Variants in DCDC2B observed in about 807,000 individuals in gnomAD.
DCDC2B encodes the protein doublecortin domain-containing protein 2B.
DCDC2B carries 41 observed loss-of-function variants against 38.9 expected under a neutral mutation model. The ratio of observed to expected loss-of-function variants is 1.05; its 90% CI spans 0.82 to 1.37. DCDC2B has a LOEUF of 1.37. Ranked by LOEUF, DCDC2B falls within the 40% of genes most tolerant of loss-of-function variation. The probability of loss-of-function intolerance (pLI) is 0.00; values close to 1 mark genes in which losing one functional copy is unlikely to be tolerated. For missense variants in DCDC2B, 453 were observed against 427.2 expected, an observed-to-expected ratio of 1.06 and a Z score of -0.53; for synonymous variants, 181 against 171.9, an observed-to-expected ratio of 1.05 and a Z score of -0.41.
intron 1 of DCDC2B, among the ~76,000 whole-genome samples, chr1:32,210,013 C>T (rs567674248): frequency 4.0e-5 from 6 of 151,566 alleles, no homozygotes; most frequent in East Asian, 1.9e-4. Context: ...GCCAACATGG[C>T]GAAACTCTGT....
chr1:32,215,636 C>A, intron 8 of DCDC2B, 93 bp downstream of exon 8: 1 of 1,237,438 alleles, frequency 8.1e-7, no homozygotes, highest in East Asian at 2.4e-5. Flanking sequence ...GTTCTCCTCC[C>A]TTGTGATTGA....
intron 7 of DCDC2B, 181 bp downstream of exon 7, chr1:32,215,113 A>C (rs2124214880): frequency 6.3e-6 from 5 of 799,212 alleles, no homozygotes; most frequent in South Asian, 2.1e-5. Flanking sequence ...CTGCCCGTAA[A>C]AAAAAAAAAA....
Position 32,209,338 on chromosome 1 carries a change from T to G in DCDC2B, c.245T>G (p.Phe82Cys). The change falls in exon 1 of 9, where the codon TTT becomes TGT. Residue 82 changes from phenylalanine (F) to cysteine (C), a missense_variant. Phe to Cys is a radical substitution (Grantham distance 205, BLOSUM62 -2). Coordinates refer to ENST00000409358, the MANE Select transcript of DCDC2B (RefSeq NM_001099434.2). ...KNRGQYVAAGFERFHKLHYLP... is the reference protein window; with the variant it reads ...KNRGQYVAAGCERFHKLHYLP... ...AGAGGGCAGTATGTGGCCGCTGGAT[T>G]TGAACGATTCCACAAGCTCCAGTGA... 1 of 1,613,938 alleles carries G rather than the reference T, an allele frequency of 6.2e-7. No homozygotes were observed. Among genetic ancestry groups the G allele is most frequent in the Non-Finnish European group, 8.5e-7 (1 of 1,179,866 alleles).
intron 6 of DCDC2B, among the ~76,000 whole-genome samples, chr1:32,213,537 C>T: frequency 7.9e-6 from 1 of 127,368 alleles, no homozygotes; most frequent in Admixed American, 8.9e-5. Context: ...GAGATGGAGT[C>T]TCGCTCTGTT....
At chr1:32,209,775 C>A (rs936520988) in intron 1 of DCDC2B, among the ~76,000 whole-genome samples, 1 of 152,180 alleles carries the variant, frequency 6.6e-6, no homozygotes, top group Non-Finnish European at 1.5e-5. Flanking sequence ...TCCTCTGTTG[C>A]AGGAGGAGAC....
At chr1:32,212,324 T>C in intron 4 of DCDC2B, 123 bp downstream of exon 4, 1 of 1,539,014 alleles carries the variant, frequency 6.5e-7, no homozygotes. Context: ...CTTCCCCCTA[T>C]GCCACTGGGA....
chr1:32,209,986 T>G (rs1417139438), intron 1 of DCDC2B, among the ~76,000 whole-genome samples: 1 of 151,290 alleles, frequency 6.6e-6, no homozygotes, highest in Non-Finnish European at 1.5e-5. Flanking sequence ...TGAGGTCAGG[T>G]GTTCGAGACC....
chr1:32,213,252 G>C (rs1035259414), intron 6 of DCDC2B, among the ~76,000 whole-genome samples: 2 of 151,718 alleles, frequency 1.3e-5, no homozygotes, highest in African/African-American at 2.4e-5. Flanking sequence ...GGCTGGTCTT[G>C]AACTCCTGGG....
At chr1:32,211,659 GC>G in intron 2 of DCDC2B, 101 bp from the exon 3 acceptor site, 1 of 1,201,910 alleles carries the variant, frequency 8.3e-7, no homozygotes, top group Non-Finnish European at 1.2e-6. Flanking sequence ...CCCCCTTCCT[GC>G]CCCAGTCTGG....
intron 2 of DCDC2B, among the ~76,000 whole-genome samples, chr1:32,211,541 AAG>A (rs1397850188): frequency 6.6e-6 from 1 of 152,228 alleles, no homozygotes; most frequent in Non-Finnish European, 1.5e-5. Context: ...CCCCAAAGGA[AAG>A]AGAAAGATGT....
Position 32,209,297 on chromosome 1 carries a change from G to C in DCDC2B, c.204G>C (p.Leu68=). 1 of 1,614,002 alleles carries C rather than the reference G, an allele frequency of 6.2e-7. No individual in the cohort carries two copies. The highest frequency in any genetic ancestry group is 8.5e-7 in the Non-Finnish European group (1 of 1,179,900). ...GTCATGGCCACCCTGTCACCAACCT[G>C]GCAGACTTGAAGAACAGAGGGCAGT... ...TPCHGHPVTN[L]ADLKNRGQYV... is the part of the protein sequence containing the mutation. The change falls in exon 1 of 9, where the codon CTG becomes CTC. Residue 68 remains leucine, a synonymous_variant. Coordinates refer to ENST00000409358, the MANE Select transcript of DCDC2B (RefSeq NM_001099434.2).
chr1:32,211,227 G>T lies in DCDC2B; in HGVS notation c.267-45G>T, dbSNP rs923237488. The T allele has an allele frequency of 8.2e-6, 13 of 1,583,772 alleles. No homozygotes were observed. In the African/African-American group the frequency reaches 1.6e-4, roughly 20 times the overall value. On this transcript the variant is annotated intron_variant, in intron 1 of 8. Transcript: ENST00000409358. ...CACTGACATCTGCCAGGCTATTGAG[G>T]CCTCAGTCTCCACAAGATGACCTGT...
intron 6 of DCDC2B, 116 bp downstream of exon 6, chr1:32,212,909 G>A: frequency 1.6e-6 from 2 of 1,276,828 alleles, no homozygotes; most frequent in Non-Finnish European, 1.1e-6. Context: ...CTTTTTCTTT[G>A]AGACAGAGTC....
chr1:32,212,394 G>A (rs765863990), intron 4 of DCDC2B, 96 bp from the exon 5 acceptor site: 2 of 1,557,886 alleles, frequency 1.3e-6, no homozygotes, highest in East Asian at 2.3e-5. Flanking sequence ...GAGGCCAGAG[G>A]GCACCTTGGA....
chr1:32,214,312 CAAAAAAAAAA>C (rs58837364), intron 6 of DCDC2B, among the ~76,000 whole-genome samples: 1,050 of 51,976 alleles, frequency 0.02, 28 homozygotes, highest in African/African-American at 0.06. Flanking sequence ...ACTCAAGTCT[CAAAAAAAAAA>C]AAAAAAAAAA....
chr1:32,209,455 G>GTACT, intron 1 of DCDC2B, 96 bp downstream of exon 1: 1 of 1,523,350 alleles, frequency 6.6e-7, no homozygotes, highest in African/African-American at 1.4e-5. Flanking sequence ...CATGTTACTG[G>GTACT]TACTTACTGA....
At position 32,212,393 on chromosome 1, in the gene DCDC2B, G is replaced by C. The variant is rs1643623834; in HGVS notation, c.528-97G>C. The C allele has an allele frequency of 3.2e-6, 5 of 1,556,208 alleles. No individual in the cohort carries two copies. In the South Asian group the frequency reaches 3.6e-5, roughly 11 times the overall value. ...AGAGCCTGGGTGCCTAGAGGCCAGA[G>C]GGCACCTTGGAATAGCTGCACCCAC... is the stretch of plus-strand genomic sequence containing the variant. On this transcript the variant is annotated intron_variant, in intron 4 of 8. Coordinates refer to ENST00000409358, the MANE Select transcript of DCDC2B (RefSeq NM_001099434.2).
chr1:32,210,628 T>C (rs1643546843), intron 1 of DCDC2B, among the ~76,000 whole-genome samples: 1 of 152,050 alleles, frequency 6.6e-6, no homozygotes, highest in Non-Finnish European at 1.5e-5. Context: ...TCATACAAAA[T>C]GGAGATAAAA....
At chr1:32,211,612 G>A (rs1368942999) in intron 2 of DCDC2B, 149 bp from the exon 3 acceptor site, 12 of 757,056 alleles carry the variant, frequency 1.6e-5, no homozygotes, top group South Asian at 6.9e-5. Context: ...TCTAAGCACC[G>A]TTTGGTGAAA....
Sources: gnomAD v4.1 joint callset for allele counts (sites outside exome capture counted in the v4.1 genomes callset) on GRCh38, gnomAD v4.1.1 for gene constraint, MANE v1.5 for transcripts, NCBI Gene and HGNC (gene_info 2026-07-23, HGNC 2026-07-21) for gene names.